SOS1: variants seen among roughly 807,000 people sequenced by gnomAD.
The protein encoded by SOS1 is son of sevenless homolog 1.
Under a neutral mutation model 157.6 loss-of-function variants are expected in SOS1, and 25 were observed. The observed-to-expected ratio is 0.16, with a 90% CI of 0.12 to 0.22. The LOEUF (loss-of-function observed/expected upper bound fraction) is 0.22. Among genes scored for constraint, SOS1 ranks in the 10% least tolerant of loss-of-function variants. The pLI is 1.00. For synonymous variants in SOS1, 528 were observed against 534.0 expected (o/e 0.99, Z 0.16); for missense variants, 1,237 against 1,599.1 (o/e 0.77, Z 3.86).
intron 13 of SOS1, 112 bp from the exon 14 acceptor site, chr2:39,012,460 A>C (rs1669499329): frequency 2.4e-6 from 1 of 414,994 alleles, no homozygotes; most frequent in Admixed American, 4.3e-5. Flanking sequence ...TTTGCTATAA[A>C]AAGTTCAAAT....
At chr2:39,065,057 C>G (rs893897846) in intron 2 of SOS1, among the ~76,000 whole-genome samples, 1 of 151,876 alleles carries the variant, frequency 6.6e-6, no homozygotes, top group South Asian at 2.1e-4. Context: ...TATGCCCAGT[C>G]TCTATATACA....
chr2:39,015,463 C>T (rs1446388627), intron 10 of SOS1, among the ~76,000 whole-genome samples: 1 of 151,938 alleles, frequency 6.6e-6, no homozygotes, highest in East Asian at 1.9e-4. Context: ...TGGTCCTATT[C>T]CAACCTTTAA....
At chr2:39,005,759 TAG>T (rs147647684) in intron 17 of SOS1, among the ~76,000 whole-genome samples, 3,325 of 152,028 alleles carry the variant, frequency 0.022, 79 homozygotes, top group African/African-American at 0.054. Flanking sequence ...AAAGAGACTA[TAG>T]AGAGATCATA....
chr2:39,077,559 A>G (rs924166678), intron 1 of SOS1, among the ~76,000 whole-genome samples: 8 of 152,190 alleles, frequency 5.3e-5, no homozygotes, highest in African/African-American at 1.9e-4. Flanking sequence ...AAGAAAAATC[A>G]GGCAAAAAAC....
chr2:39,056,638 C>T (rs1335566019), intron 4 of SOS1, 64 bp downstream of exon 4: 20 of 993,148 alleles, frequency 2.0e-5, no homozygotes, highest in Non-Finnish European at 2.8e-5. Flanking sequence ...ATGAATAGTA[C>T]GTTAGCATCT....
chr2:39,050,884 A>G (rs557827447), intron 6 of SOS1, among the ~76,000 whole-genome samples: 7 of 152,306 alleles, frequency 4.6e-5, no homozygotes, highest in African/African-American at 1.4e-4. Context: ...AACGTTTTAC[A>G]GTAGGCCATT....
chr2:38,986,123 G>A lies in SOS1; in HGVS notation c.3703C>T (p.Pro1235Ser), dbSNP rs397517168. Residue 1235 changes from proline (P) to serine (S), a missense_variant, in exon 23 of 23, where the codon CCT becomes TCT. Pro to Ser is a moderately conservative substitution (Grantham distance 74). Transcript: ENST00000402219. ...TCACTTTTTTTGCCCAAAGGGGGAG[G>A]TTGGAGATGTAGTGGTGAGCTTGAG... ...VFSSSPLHLQ[P>S]PPLGKKSDHG... 18 of 1,613,760 alleles carry A rather than the reference G, an allele frequency of 1.1e-5. No homozygotes were observed. The highest frequency in any genetic ancestry group is 2.2e-5 in the South Asian group (2 of 91,080).
chr2:39,117,891 C>A (rs547925882), intron 1 of SOS1, among the ~76,000 whole-genome samples: 2 of 152,120 alleles, frequency 1.3e-5, no homozygotes, highest in East Asian at 3.8e-4. Flanking sequence ...AACAATAAAG[C>A]CATTAATCGA....
At position 39,083,393 on chromosome 2, in the gene SOS1, T is replaced by C. The variant is rs137926814; in HGVS notation, c.88-15640A>G. Among the ~76,000 whole-genome samples, 27 of 152,210 alleles carry C rather than the reference T, an allele frequency of 1.8e-4. 1 individual carries two copies. The East Asian group carries it at 5.0e-3, about 28-fold the overall frequency. On this transcript the variant is annotated intron_variant, in intron 1 of 22. Coordinates refer to ENST00000402219, the MANE Select transcript of SOS1 (RefSeq NM_005633.4). The stretch of plus-strand genomic sequence containing the variant: ...TTCTTAAGGAAGTCAGGAGAAGTAA[T>C]ATACAAAAACCAGTCTCCAGGAGCT...
At chr2:39,001,418 G>A (rs370551762) in intron 17 of SOS1, among the ~76,000 whole-genome samples, 9 of 152,160 alleles carry the variant, frequency 5.9e-5, no homozygotes, top group Middle Eastern at 3.2e-3. Flanking sequence ...GAATATTTTA[G>A]TTTATGGAGA....
chr2:39,050,926 G>A (rs1424144559), intron 6 of SOS1, among the ~76,000 whole-genome samples: 3 of 152,044 alleles, frequency 2.0e-5, no homozygotes, highest in African/African-American at 7.2e-5. Flanking sequence ...CCCCCTTGGC[G>A]GTATCTGTCT....
At chr2:39,095,859 G>A (rs2148195723) in intron 1 of SOS1, among the ~76,000 whole-genome samples, 1 of 152,288 alleles carries the variant, frequency 6.6e-6, no homozygotes, top group South Asian at 2.1e-4. Context: ...GGTATGTGCT[G>A]ACCAAAGGCA....
chr2:39,038,870 G>A (rs1482633063), intron 6 of SOS1, among the ~76,000 whole-genome samples: 1 of 151,870 alleles, frequency 6.6e-6, no homozygotes, highest in Non-Finnish European at 1.5e-5. Context: ...TGAGAGGATT[G>A]ACTCCAATAC....
chr2:38,991,925 G>A (rs1440017567), intron 20 of SOS1, among the ~76,000 whole-genome samples: 5 of 152,154 alleles, frequency 3.3e-5, no homozygotes, highest in African/African-American at 9.6e-5. Flanking sequence ...GGAAAAAACC[G>A]TAAGAGTAAA....
chr2:39,013,754 A>G (rs1376897786), intron 12 of SOS1, 113 bp downstream of exon 12: 4 of 992,284 alleles, frequency 4.0e-6, no homozygotes, highest in Non-Finnish European at 4.7e-6. Flanking sequence ...AGTAAATTTA[A>G]TTTACTAATT....
At chr2:39,117,123 G>A (rs572770751) in intron 1 of SOS1, among the ~76,000 whole-genome samples, 1 of 151,680 alleles carries the variant, frequency 6.6e-6, no homozygotes, top group Admixed American at 6.6e-5. Flanking sequence ...CCGTCTTCCG[G>A]TTTCAAGCTA....
intron 8 of SOS1, among the ~76,000 whole-genome samples, chr2:39,032,076 T>C (rs1670179008): frequency 6.6e-6 from 1 of 152,226 alleles, no homozygotes; most frequent in African/African-American, 2.4e-5. Flanking sequence ...TAGATGTATA[T>C]AATCTGGAAT....
chr2:39,045,247 A>AGGGAGAGG (rs150513425), intron 6 of SOS1, among the ~76,000 whole-genome samples: 93,163 of 127,368 alleles, frequency 0.73, 35,618 homozygotes, highest in Non-Finnish European at 0.84. Context: ...AGAGAGGGAG[A>AGGGAGAGG]GAGAGAGAGA....
chr2:39,089,382 A>G (rs1034956949), intron 1 of SOS1, among the ~76,000 whole-genome samples: 1 of 152,080 alleles, frequency 6.6e-6, no homozygotes, highest in East Asian at 1.9e-4. Flanking sequence ...AATACAAAAA[A>G]TTAGCCAGGC....
Sources: allele counts gnomAD v4.1 joint callset (sites outside exome capture counted in the v4.1 genomes callset), GRCh38; gene constraint gnomAD v4.1.1; transcripts MANE v1.5; gene names NCBI Gene and HGNC (gene_info 2026-07-23, HGNC 2026-07-21).